SNX24: variants seen among roughly 807,000 people sequenced by gnomAD.
SNX24 encodes the protein sorting nexin 24.
Under a neutral mutation model 28.7 loss-of-function variants are expected in SNX24, and 22 were observed. The observed-to-expected ratio is 0.77, with a 90% CI of 0.55 to 1.10. SNX24 has a LOEUF of 1.10. Ranked by LOEUF, SNX24 falls within the 50% of genes least tolerant of loss-of-function variation. The probability of loss-of-function intolerance (pLI) is 0.00; values close to 1 mark genes in which losing one functional copy is unlikely to be tolerated. For synonymous variants in SNX24, 69 were observed against 71.5 expected, an observed-to-expected ratio of 0.96 and a Z score of 0.18; for missense variants, 221 against 201.1, an observed-to-expected ratio of 1.10 and a Z score of -0.60.
At chr5:122,987,277 G>A (rs547331623) in intron 3 of SNX24, among the ~76,000 whole-genome samples, 2 of 152,198 alleles carry the variant, frequency 1.3e-5, no homozygotes, top group African/African-American at 4.8e-5. Flanking sequence ...AGTAGCTTCG[G>A]CATCACCTAG....
intron 1 of SNX24, among the ~76,000 whole-genome samples, chr5:122,891,404 C>T (rs1741905814): frequency 2.0e-5 from 3 of 152,054 alleles, no homozygotes; most frequent in Admixed American, 1.3e-4. Context: ...TTTTTATTGG[C>T]ACATACACTT....
chr5:122,874,241 A>C (rs1226960161), intron 1 of SNX24, among the ~76,000 whole-genome samples: 1 of 152,256 alleles, frequency 6.6e-6, no homozygotes, highest in African/African-American at 2.4e-5. Context: ...TACAATTAGT[A>C]TGCAACCCCA....
chr5:122,994,533 A>G (rs1274338200), intron 3 of SNX24, among the ~76,000 whole-genome samples: 1 of 152,256 alleles, frequency 6.6e-6, no homozygotes, highest in Non-Finnish European at 1.5e-5. Context: ...CAACTAATCA[A>G]TGGTATCCTT....
chr5:122,857,505 C>A (rs1485743192), intron 1 of SNX24, among the ~76,000 whole-genome samples: 2 of 151,804 alleles, frequency 1.3e-5, no homozygotes, highest in Admixed American at 1.3e-4. Context: ...ATCTCATCAT[C>A]CGGGTACTAA....
At chr5:123,017,707 T>G (rs1406176283) in intron 5 of SNX24, among the ~76,000 whole-genome samples, 1 of 152,030 alleles carries the variant, frequency 6.6e-6, no homozygotes, top group Non-Finnish European at 1.5e-5. Context: ...GTTCTCATGG[T>G]GATGAATGAG....
intron 1 of SNX24, among the ~76,000 whole-genome samples, chr5:122,861,329 G>A (rs762706066): frequency 6.6e-6 from 1 of 152,136 alleles, no homozygotes; most frequent in Non-Finnish European, 1.5e-5. Flanking sequence ...GACAGAGCGA[G>A]ACTTTGTCCA....
At chr5:122,900,234 G>A (rs940742223) in intron 1 of SNX24, among the ~76,000 whole-genome samples, 22 of 151,604 alleles carry the variant, frequency 1.5e-4, no homozygotes, top group Admixed American at 1.2e-3. Context: ...CCCAGGCTGT[G>A]ATGTTTTTGA....
intron 3 of SNX24, among the ~76,000 whole-genome samples, chr5:122,985,255 G>T (rs1390140624): frequency 6.6e-6 from 1 of 152,250 alleles, no homozygotes; most frequent in Admixed American, 6.5e-5. Flanking sequence ...CTTGAGAGAG[G>T]CACTGTGGAT....
chr5:122,997,153 T>A (rs1581848552), intron 3 of SNX24, among the ~76,000 whole-genome samples: 1 of 152,250 alleles, frequency 6.6e-6, no homozygotes, highest in South Asian at 2.1e-4. Flanking sequence ...TAAATTCTTC[T>A]GTATTTTACT....
intron 3 of SNX24, among the ~76,000 whole-genome samples, chr5:122,972,494 A>G (rs1260831554): frequency 1.3e-5 from 2 of 152,342 alleles, no homozygotes; most frequent in South Asian, 2.1e-4. Context: ...TTGTGACTTC[A>G]AAAGGCCGTT....
chr5:122,915,726 G>A (rs78152262), intron 1 of SNX24, among the ~76,000 whole-genome samples: 1,609 of 152,324 alleles, frequency 0.011, 28 homozygotes, highest in African/African-American at 0.037. Context: ...GTAAAAGCTG[G>A]TCTTTAGTGT....
At chr5:122,888,840 A>T (rs928654620) in intron 1 of SNX24, among the ~76,000 whole-genome samples, 13 of 152,138 alleles carry the variant, frequency 8.5e-5, no homozygotes, top group Admixed American at 6.6e-4. Context: ...TGTAAGTTAT[A>T]GATGTAATGG....
At chr5:122,860,525 A>C (rs976559196) in intron 1 of SNX24, among the ~76,000 whole-genome samples, 3 of 152,216 alleles carry the variant, frequency 2.0e-5, no homozygotes, top group African/African-American at 4.8e-5. Context: ...TTAGCCCTGT[A>C]GGAGATGAAG....
At chr5:122,907,434 G>T (rs1415952794) in intron 1 of SNX24, among the ~76,000 whole-genome samples, 1 of 152,140 alleles carries the variant, frequency 6.6e-6, no homozygotes, top group Non-Finnish European at 1.5e-5. Flanking sequence ...AAAGCCAGAC[G>T]GCCCTCAGGG....
intron 5 of SNX24, among the ~76,000 whole-genome samples, chr5:123,019,764 C>T (rs1416188908): frequency 6.6e-6 from 1 of 152,188 alleles, no homozygotes; most frequent in Non-Finnish European, 1.5e-5. Context: ...ATAAATGTGT[C>T]CTTCTAGTAA....
rs1161099964 is a variant in SNX24 at position 122,944,724 on chromosome 5, C to CT, written c.145-1329dup. Among the ~76,000 whole-genome samples, 9 of 152,280 alleles carry CT rather than the reference C, an allele frequency of 5.9e-5. No homozygotes were observed. In the East Asian group the frequency reaches 1.4e-3, roughly 23 times the overall value. ...TCTGCTCTAGCCAGTACATGGGCCC[C>CT]TTCTTCGTGATGTACAACAAATTTC... is the stretch of plus-strand genomic sequence containing the variant. On this transcript the variant is annotated intron_variant, in intron 2 of 6. Coordinates refer to ENST00000261369, the MANE Select transcript of SNX24 (RefSeq NM_014035.4).
chr5:122,850,332 T>TTAC (rs1015919657), intron 1 of SNX24, among the ~76,000 whole-genome samples: 4 of 152,144 alleles, frequency 2.6e-5, no homozygotes, highest in African/African-American at 9.7e-5. Flanking sequence ...TTTTATAAGG[T>TTAC]TACTAATCCC....
At chr5:123,010,500 G>T (rs554318245), downstream of SNX24, among the ~76,000 whole-genome samples, 148 of 152,140 alleles carry the variant, frequency 9.7e-4, 1 homozygote, top group African/African-American at 3.4e-3. Context: ...TCTTGGCCAG[G>T]CTGGTCTTGA....
At chr5:122,929,125 GAGA>G (rs1324260053) in intron 1 of SNX24, among the ~76,000 whole-genome samples, 6 of 152,090 alleles carry the variant, frequency 3.9e-5, no homozygotes, top group Admixed American at 3.3e-4. Flanking sequence ...AATACTTGCA[GAGA>G]AGAAGAGTGG....
Sources: allele counts gnomAD v4.1 joint callset (sites outside exome capture counted in the v4.1 genomes callset), GRCh38; gene constraint gnomAD v4.1.1; transcripts MANE v1.5; gene names NCBI Gene and HGNC (gene_info 2026-07-23, HGNC 2026-07-21).